The following SLC38A6 variants were observed in gnomAD, a reference collection of about 807,000 sequenced individuals.
The protein encoded by SLC38A6 is N system amino acid transporter NAT-1.
A neutral mutation model predicts 65.0 loss-of-function variants in SLC38A6; 73 were observed. The observed-to-expected ratio is 1.12, with a 90% CI of 0.93 to 1.37. The LOEUF (loss-of-function observed/expected upper bound fraction) is 1.37. Among genes scored for constraint, SLC38A6 ranks in the 40% most tolerant of loss-of-function variants. The probability of loss-of-function intolerance (pLI) is 0.00; values close to 1 mark genes in which losing one functional copy is unlikely to be tolerated. For missense variants in SLC38A6, 561 were observed against 531.1 expected, an observed-to-expected ratio of 1.06 and a Z score of -0.55; for synonymous variants, 183 against 178.8, an observed-to-expected ratio of 1.02 and a Z score of -0.19.
intron 16 of SLC38A6, among the ~76,000 whole-genome samples, chr14:61,081,249 A>G (rs1389704189): frequency 6.6e-6 from 1 of 152,254 alleles, no homozygotes; most frequent in Admixed American, 6.5e-5. Flanking sequence ...TGATTGAAGA[A>G]TGGAAACCAA....
intron 3 of SLC38A6, among the ~76,000 whole-genome samples, chr14:61,001,811 AT>A (rs760760930): frequency 2.6e-5 from 4 of 152,048 alleles, no homozygotes; most frequent in Non-Finnish European, 5.9e-5. Flanking sequence ...TTCATTGATT[AT>A]TTTGTAATTC....
chr14:61,012,906 G>A (rs1010558612), intron 3 of SLC38A6, among the ~76,000 whole-genome samples: 4 of 152,170 alleles, frequency 2.6e-5, no homozygotes, highest in Non-Finnish European at 5.9e-5. Flanking sequence ...AGGTCCACTT[G>A]GTGCAGAGCT....
At chr14:61,048,146 A>G (rs1318298117) in intron 12 of SLC38A6, 2 of 454,922 alleles carry the variant, frequency 4.4e-6, no homozygotes, top group Non-Finnish European at 8.8e-6. Flanking sequence ...ATATCTTTCT[A>G]CCAGGATAAC....
intron 16 of SLC38A6, among the ~76,000 whole-genome samples, chr14:61,080,166 ATTTC>A (rs2140002561): frequency 6.6e-6 from 1 of 152,152 alleles, no homozygotes; most frequent in African/African-American, 2.4e-5. Flanking sequence ...TTAAAGAACT[ATTTC>A]TTCCTAACTT....
chr14:61,001,452 G>A (rs1305299503), intron 3 of SLC38A6, among the ~76,000 whole-genome samples: 1 of 152,176 alleles, frequency 6.6e-6, no homozygotes, highest in Non-Finnish European at 1.5e-5. Flanking sequence ...GTGAATCTCT[G>A]CAGGGTTAAA....
At chr14:61,024,003 G>A (rs930554025) in intron 5 of SLC38A6, among the ~76,000 whole-genome samples, 4 of 152,178 alleles carry the variant, frequency 2.6e-5, no homozygotes, top group Non-Finnish European at 4.4e-5. Context: ...ACCTGGCTTA[G>A]TACTCCTTCA....
At chr14:60,991,681 G>A (rs1430929595) in intron 3 of SLC38A6, among the ~76,000 whole-genome samples, 1 of 152,100 alleles carries the variant, frequency 6.6e-6, no homozygotes, top group Non-Finnish European at 1.5e-5. Flanking sequence ...CACCTTCAAG[G>A]CTTTGACAAA....
At chr14:61,013,519 G>C (rs1173420475) in intron 3 of SLC38A6, among the ~76,000 whole-genome samples, 3 of 152,152 alleles carry the variant, frequency 2.0e-5, no homozygotes, top group Admixed American at 6.5e-5. Context: ...GCAGTGACTG[G>C]TACTGGTTGT....
chr14:61,017,034 G>T (rs1167717538), intron 4 of SLC38A6, among the ~76,000 whole-genome samples: 1 of 152,004 alleles, frequency 6.6e-6, no homozygotes, highest in Non-Finnish European at 1.5e-5. Context: ...GTTAACTTTG[G>T]TGGAGTTTTT....
chr14:61,029,687 G>A (rs1262569062), intron 5 of SLC38A6, among the ~76,000 whole-genome samples: 1 of 152,116 alleles, frequency 6.6e-6, no homozygotes, highest in African/African-American at 2.4e-5. Context: ...GCTATAAAAG[G>A]TAGTTATTTA....
chr14:61,043,878 C>G (rs186009781), intron 10 of SLC38A6, among the ~76,000 whole-genome samples: 4 of 152,204 alleles, frequency 2.6e-5, no homozygotes, highest in Admixed American at 2.6e-4. Flanking sequence ...AAAAACTCTT[C>G]CCCTGTGAGT....
chr14:61,060,983 C>A (rs1434877008), intron 15 of SLC38A6, among the ~76,000 whole-genome samples: 5 of 150,692 alleles, frequency 3.3e-5, no homozygotes, highest in Non-Finnish European at 7.4e-5. Context: ...CTTCGGCTCG[C>A]GCACGGTGCG....
chr14:61,051,716 A>C (rs2042515802), intron 13 of SLC38A6, 71 bp from the exon 14 acceptor site: 1 of 1,552,802 alleles, frequency 6.4e-7, no homozygotes, highest in Non-Finnish European at 8.8e-7. Flanking sequence ...GTTGTTGTAT[A>C]TGTTTCTCTC....
At chr14:61,073,446 G>T (rs1379049989) in intron 15 of SLC38A6, among the ~76,000 whole-genome samples, 6 of 151,976 alleles carry the variant, frequency 3.9e-5, no homozygotes, top group Non-Finnish European at 5.9e-5. Flanking sequence ...GTGAGTTTTG[G>T]GGGGAACAAA....
intron 3 of SLC38A6, among the ~76,000 whole-genome samples, chr14:61,013,833 A>C (rs2039776219): frequency 6.6e-6 from 1 of 151,954 alleles, no homozygotes; most frequent in Admixed American, 6.5e-5. Context: ...CCTTCATTTC[A>C]ACTTTGGTGA....
chr14:61,075,779 GTGTGT>G (rs2043383692), intron 15 of SLC38A6, among the ~76,000 whole-genome samples: 95 of 2,232 alleles, frequency 0.043, no homozygotes, highest in African/African-American at 0.079. Flanking sequence ...CAACCTGTTT[GTGTGT>G]GTGTGTGTGT....
At chr14:61,015,341 A>T (rs962990780) in intron 3 of SLC38A6, among the ~76,000 whole-genome samples, 2 of 152,232 alleles carry the variant, frequency 1.3e-5, no homozygotes, top group Non-Finnish European at 2.9e-5. Context: ...AGGTGAGGTG[A>T]TGCCTCACCC....
At chr14:61,009,652 A>C (rs2039408823) in intron 3 of SLC38A6, among the ~76,000 whole-genome samples, 1 of 150,024 alleles carries the variant, frequency 6.7e-6, no homozygotes, top group African/African-American at 2.5e-5. Flanking sequence ...TGTCCTTGGG[A>C]TAGTTTGCTG....
intron 6 of SLC38A6, among the ~76,000 whole-genome samples, chr14:61,031,286 C>T (rs1234571197): frequency 2.0e-5 from 3 of 152,062 alleles, no homozygotes; most frequent in Non-Finnish European, 4.4e-5. Flanking sequence ...TTTCAAACCA[C>T]AGTACAAAAC....
Sources: allele counts gnomAD v4.1 joint callset (sites outside exome capture counted in the v4.1 genomes callset), GRCh38; gene constraint gnomAD v4.1.1; transcripts MANE v1.5; gene names NCBI Gene and HGNC (gene_info 2026-07-23, HGNC 2026-07-21).